Variants in SLC7A2 observed in about 807,000 individuals in gnomAD.
SLC7A2 encodes solute carrier family 7 member 2, also known as cationic amino acid transporter 2.
A neutral mutation model predicts 58.9 loss-of-function variants in SLC7A2; 48 were observed. That is an observed-to-expected ratio of 0.82 (90% confidence interval 0.65 to 1.04). The LOEUF (loss-of-function observed/expected upper bound fraction) is 1.04. SLC7A2 is among the 50% of genes least tolerant of loss of function. The probability of loss-of-function intolerance (pLI) is 0.00; values close to 1 mark genes in which losing one functional copy is unlikely to be tolerated. For missense variants in SLC7A2, 1,029 were observed against 818.8 expected, an observed-to-expected ratio of 1.26 and a Z score of -3.13; for synonymous variants, 363 against 314.5, an observed-to-expected ratio of 1.15 and a Z score of -1.63.
rs1197113057 is a variant in SLC7A2, at chr8:17,570,031, A to G, written c.*4885A>G. On this transcript the variant is annotated 3_prime_UTR_variant, in exon 13 of 13. Transcript: ENST00000494857. ...ATTCCAAACATCCCATGAGTATATC[A>G]AGATGAATAAGGACCAAGGGACCTC... 1.3e-5 allele frequency: 2 copies of G among 152,186 alleles called. No individual in the cohort carries two copies. Among genetic ancestry groups the G allele is most frequent in the African/African-American group, 4.8e-5 (2 of 41,440 alleles). 9.4% of individuals were successfully genotyped at this position (152,186 alleles called of 1,614,324 possible).
chr8:17,556,063 T>G (rs1267663192), intron 8 of SLC7A2, among the ~76,000 whole-genome samples: 1 of 152,190 alleles, frequency 6.6e-6, no homozygotes, highest in Non-Finnish European at 1.5e-5. Flanking sequence ...TTAAACACTT[T>G]CACTTTGTAA....
chr8:17,553,688 G>A (rs116486211), intron 7 of SLC7A2, among the ~76,000 whole-genome samples: 1,550 of 152,294 alleles, frequency 0.01, 19 homozygotes, highest in African/African-American at 0.035. Flanking sequence ...TGAGGTGGGA[G>A]GATCGCTTGA....
intron 2 of SLC7A2, among the ~76,000 whole-genome samples, chr8:17,523,674 T>G (rs1801106826): frequency 6.6e-6 from 1 of 152,148 alleles, no homozygotes; most frequent in Non-Finnish European, 1.5e-5. Flanking sequence ...AAGATAACAT[T>G]GGGAAAACCC....
At chr8:17,529,826 C>A (rs900125301) in intron 2 of SLC7A2, among the ~76,000 whole-genome samples, 37 of 152,208 alleles carry the variant, frequency 2.4e-4, no homozygotes, top group African/African-American at 7.9e-4. Flanking sequence ...TGTGAGTCAC[C>A]ACGCCTGGCC....
chr8:17,547,913 G>T (rs181831901), intron 4 of SLC7A2, among the ~76,000 whole-genome samples: 9 of 151,864 alleles, frequency 5.9e-5, no homozygotes, highest in Admixed American at 5.9e-4. Context: ...GATCACTTTT[G>T]CAATCAGAAT....
intron 2 of SLC7A2, among the ~76,000 whole-genome samples, chr8:17,524,886 T>A (rs943206545): frequency 2.0e-5 from 3 of 152,112 alleles, no homozygotes; most frequent in Non-Finnish European, 2.9e-5. Flanking sequence ...CTTGATGAAT[T>A]TCCCTGTGCT....
At chr8:17,506,242 G>C (rs1274813678) in intron 2 of SLC7A2, among the ~76,000 whole-genome samples, 2 of 152,204 alleles carry the variant, frequency 1.3e-5, no homozygotes, top group African/African-American at 4.8e-5. Flanking sequence ...GTGAAAACAA[G>C]TGCTGGGCTG....
intron 3 of SLC7A2, 57 bp from the exon 4 acceptor site, chr8:17,544,394 T>C: frequency 6.8e-7 from 1 of 1,469,684 alleles, no homozygotes; most frequent in South Asian, 1.2e-5. Flanking sequence ...GAGTAGCAAA[T>C]GATGCTACTT....
intron 2 of SLC7A2, among the ~76,000 whole-genome samples, chr8:17,532,268 A>C (rs963734716): frequency 1.1e-4 from 14 of 121,944 alleles, no homozygotes; most frequent in African/African-American, 3.8e-4. Context: ...AACCCCAGCA[A>C]TTCTAGGGAG....
intron 2 of SLC7A2, among the ~76,000 whole-genome samples, chr8:17,527,879 A>G (rs911119410): frequency 1.6e-4 from 24 of 152,180 alleles, no homozygotes; most frequent in Admixed American, 1.6e-3. Context: ...ACACAATTCA[A>G]TACATAACAA....
intron 2 of SLC7A2, among the ~76,000 whole-genome samples, chr8:17,514,905 T>C (rs943296035): frequency 2.0e-5 from 3 of 152,220 alleles, no homozygotes; most frequent in East Asian, 3.8e-4. Context: ...TGGTATTTGA[T>C]ACTGTTATTG....
At chr8:17,497,635 C>G (rs1800005824) in intron 1 of SLC7A2, among the ~76,000 whole-genome samples, 1 of 152,222 alleles carries the variant, frequency 6.6e-6, no homozygotes, top group Non-Finnish European at 1.5e-5. Flanking sequence ...GCACCCCTCT[C>G]CGGGTGGGCA....
rs1259015531 is a variant in SLC7A2 at position 17,569,176 on chromosome 8, A to C, written c.*4030A>C. 1.3e-5 allele frequency: 2 copies of C among 152,152 alleles called. No individual in the cohort carries two copies. The highest frequency in any genetic ancestry group is 4.8e-5 in the African/African-American group (2 of 41,430). The allele number at this position is 152,152 out of a possible 1,614,324, so 9.4% of individuals were successfully genotyped here. On this transcript the variant is annotated 3_prime_UTR_variant, in exon 13 of 13. Transcript: ENST00000494857. ...CATCACACCTTGGCGTGATGAAATC[A>C]TGCCAAGATTCTGACTCTCCCTTTC... is the stretch of plus-strand genomic sequence containing the variant.
rs1366227364 is a variant in SLC7A2 at position 17,569,346 on chromosome 8, G to C, written c.*4200G>C. 1 of 152,200 alleles carries C rather than the reference G, an allele frequency of 6.6e-6. No homozygotes were observed. Among genetic ancestry groups the C allele is most frequent in the African/African-American group, 2.4e-5 (1 of 41,458 alleles). 9.4% of individuals were successfully genotyped at this position (152,200 alleles called of 1,614,324 possible). A position where few individuals can be genotyped will look rare whatever the true frequency, so the allele number is the denominator to read the frequency against. ...TCACGTGATTCATGTGAAATTAACTGTCCTTTTTGCTAGTGCCAAAACAGT... is the reference window on the plus strand; with the variant it reads ...TCACGTGATTCATGTGAAATTAACTCTCCTTTTTGCTAGTGCCAAAACAGT... On this transcript the variant is annotated 3_prime_UTR_variant, in exon 13 of 13. Transcript: ENST00000494857.
At chr8:17,496,446 C>G (rs1373974325), upstream of SLC7A2, among the ~76,000 whole-genome samples, 1 of 152,186 alleles carries the variant, frequency 6.6e-6, no homozygotes, top group African/African-American at 2.4e-5. Flanking sequence ...TTAATCTTAT[C>G]AGAGACTCCT....
Position 17,566,895 on chromosome 8 carries a change from C to T in SLC7A2, c.*1749C>T, listed in dbSNP as rs988512962. On this transcript the variant is annotated 3_prime_UTR_variant, in exon 13 of 13. Coordinates refer to ENST00000494857, the MANE Select transcript of SLC7A2 (RefSeq NM_001370338.1). ...GTAATCCCAAGACAAGGAAAACATT[C>T]GTTTTCCTCATGGGTCTTCCAAGAA... 6.6e-6 allele frequency: 1 copy of T among 152,386 alleles called. No homozygotes were observed. The highest frequency in any genetic ancestry group is 1.9e-4 in the East Asian group (1 of 5,182). The allele number at this position is 152,386 out of a possible 1,614,324, so 9.4% of individuals were successfully genotyped here.
At position 17,562,019 on chromosome 8, in the gene SLC7A2, T is replaced by C; in HGVS notation, c.1580T>C (p.Leu527Pro). 1 of 1,614,000 alleles carries C rather than the reference T, an allele frequency of 6.2e-7. No individual in the cohort carries two copies. The highest frequency in any genetic ancestry group is 8.5e-7 in the Non-Finnish European group (1 of 1,179,942). ...ATCACCAGGCTGGAGGCCTGGAGCCTCGCTCTCCTCGCGCTGTTTCTTGTT... is the reference window on the plus strand; with the variant it reads ...ATCACCAGGCTGGAGGCCTGGAGCCCCGCTCTCCTCGCGCTGTTTCTTGTT... ...HAITRLEAWS[L>P]ALLALFLVLF... is the part of the protein sequence containing the mutation. The change falls in exon 11 of 13, where the codon CTC becomes CCC. Residue 527 changes from leucine (L) to proline (P), a missense_variant. Physicochemically the swap from Leu to Pro is moderately conservative, Grantham distance 98 (BLOSUM62 -3). Transcript: ENST00000494857.
Position 17,565,221 on chromosome 8 carries a change from C to T in SLC7A2, c.*75C>T, listed in dbSNP as rs998422607. ...TGAGTAAACCGTAACGGGATGTCAT[C>T]AGCATGCTGGGTTGTCATGGGTTTG... is the stretch of plus-strand genomic sequence containing the variant. On this transcript the variant is annotated 3_prime_UTR_variant, in exon 13 of 13. Coordinates refer to ENST00000494857, the MANE Select transcript of SLC7A2 (RefSeq NM_001370338.1). 25 of 1,200,340 alleles carry T rather than the reference C, an allele frequency of 2.1e-5. No homozygotes were observed. In the African/African-American group the frequency reaches 3.2e-4, roughly 15 times the overall value. The allele number at this position is 1,200,340 out of a possible 1,614,324, so 74.4% of individuals were successfully genotyped here. A position where few individuals can be genotyped will look rare whatever the true frequency, so the allele number is the denominator to read the frequency against.
At chr8:17,541,039 GTCT>G (rs1801890113) in intron 2 of SLC7A2, among the ~76,000 whole-genome samples, 1 of 152,190 alleles carries the variant, frequency 6.6e-6, no homozygotes. Context: ...TATATGACAT[GTCT>G]CATTTTCAAG....
Sources: allele counts gnomAD v4.1 joint callset (sites outside exome capture counted in the v4.1 genomes callset), GRCh38; gene constraint gnomAD v4.1.1; transcripts MANE v1.5; gene names NCBI Gene and HGNC (gene_info 2026-07-23, HGNC 2026-07-21).